RAD51B: variants seen among roughly 807,000 people sequenced by gnomAD.
The protein encoded by RAD51B is RAD51 paralog B.
RAD51B carries 38 observed loss-of-function variants against 42.2 expected under a neutral mutation model. The observed-to-expected ratio is 0.90, with a 90% CI of 0.70 to 1.18. The LOEUF (loss-of-function observed/expected upper bound fraction) is 1.18. Ranked by LOEUF, RAD51B falls within the 50% of genes most tolerant of loss-of-function variation. The probability of loss-of-function intolerance (pLI) is 0.00; values close to 1 mark genes in which losing one functional copy is unlikely to be tolerated. For missense variants in RAD51B, 373 were observed against 400.7 expected, an observed-to-expected ratio of 0.93 and a Z score of 0.59; for synonymous variants, 154 against 145.2, an observed-to-expected ratio of 1.06 and a Z score of -0.43.
intron 8 of RAD51B, among the ~76,000 whole-genome samples, chr14:68,346,772 A>G (rs553221371): frequency 2.6e-5 from 4 of 152,262 alleles, no homozygotes; most frequent in African/African-American, 4.8e-5. Flanking sequence ...CCAGCCGTAT[A>G]TCTCTGAATG....
At chr14:68,674,076 A>G (rs887764123) in intron 11 of RAD51B, among the ~76,000 whole-genome samples, 6 of 152,166 alleles carry the variant, frequency 3.9e-5, no homozygotes, top group African/African-American at 1.4e-4. Flanking sequence ...ATAAACACAC[A>G]TACTGTACAC....
intron 10 of RAD51B, chr14:68,562,137 C>T: frequency 2.0e-6 from 2 of 985,366 alleles, no homozygotes; most frequent in Non-Finnish European, 2.4e-6. Flanking sequence ...CCTCGTCACC[C>T]TGGAAATGCC....
chr14:68,516,003 T>C (rs1886127689), intron 10 of RAD51B, among the ~76,000 whole-genome samples: 1 of 152,000 alleles, frequency 6.6e-6, no homozygotes, highest in South Asian at 2.1e-4. Context: ...GCCAGGATGG[T>C]CTCGATCTCC....
In RAD51B at chr14:68,315,886, G is replaced by T. The variant is rs79810817; in HGVS notation, c.853+23906G>T. ...TTTTCTACTACTAGAACAAGTCACT[G>T]CCCCCCAGAGTTTGAAGAAATGTGA... On this transcript the variant is annotated intron_variant, in intron 8 of 10. Transcript: ENST00000471583. Among the ~76,000 whole-genome samples the T allele has an allele frequency of 7.4e-3, 1,122 of 152,198 alleles. 10 individuals are homozygous for T. Among genetic ancestry groups the T allele is most frequent in the African/African-American group, 0.024 (978 of 41,506 alleles).
At chr14:68,662,989 G>A (rs1034835420) in intron 11 of RAD51B, among the ~76,000 whole-genome samples, 19 of 152,184 alleles carry the variant, frequency 1.2e-4, no homozygotes, top group African/African-American at 4.3e-4. Context: ...TTCTGCCAGT[G>A]GGAGGCACCA....
intron 10 of RAD51B, among the ~76,000 whole-genome samples, chr14:68,471,148 T>C (rs1256908260): frequency 6.6e-6 from 1 of 152,122 alleles, no homozygotes; most frequent in Non-Finnish European, 1.5e-5. Flanking sequence ...GGGTGGGATG[T>C]GCAGCCCATG....
chr14:68,421,069 C>A (rs11849044), intron 9 of RAD51B, among the ~76,000 whole-genome samples: 42,721 of 152,008 alleles, frequency 0.28, 6,325 homozygotes, highest in African/African-American at 0.34. Flanking sequence ...TTAGGATAGC[C>A]CCTCCCACCC....
At chr14:68,086,438 C>G (rs1364588407) in intron 7 of RAD51B, among the ~76,000 whole-genome samples, 1 of 152,124 alleles carries the variant, frequency 6.6e-6, no homozygotes, top group Non-Finnish European at 1.5e-5. Context: ...TTGGGAAATA[C>G]AACATTTGGG....
chr14:68,230,430 G>C (rs532667979), intron 7 of RAD51B, among the ~76,000 whole-genome samples: 83 of 152,248 alleles, frequency 5.5e-4, no homozygotes, highest in Middle Eastern at 6.8e-3. Context: ...TGTTTGACTA[G>C]TCATTCAGAT....
chr14:68,157,224 C>T (rs2078532381), intron 7 of RAD51B, among the ~76,000 whole-genome samples: 1 of 152,040 alleles, frequency 6.6e-6, no homozygotes, highest in Admixed American at 6.6e-5. Flanking sequence ...AAGGGACTTA[C>T]TTTGGGGATT....
At chr14:68,533,357 A>G (rs1386174819) in intron 10 of RAD51B, among the ~76,000 whole-genome samples, 2 of 152,192 alleles carry the variant, frequency 1.3e-5, no homozygotes, top group Non-Finnish European at 2.9e-5. Context: ...ATTCCTGAGC[A>G]CTTTGTTTGC....
chr14:68,551,288 T>G (rs1467302242), intron 10 of RAD51B, among the ~76,000 whole-genome samples: 1 of 152,196 alleles, frequency 6.6e-6, no homozygotes, highest in Non-Finnish European at 1.5e-5. Context: ...TGCTCTGGCC[T>G]GGCAGTCAGC....
intron 11 of RAD51B, among the ~76,000 whole-genome samples, chr14:68,675,451 A>G (rs1486964591): frequency 6.6e-6 from 1 of 152,150 alleles, no homozygotes. Flanking sequence ...GATATGCCTG[A>G]TTCCTTTTTG....
chr14:68,302,373 A>G (rs1302818313), intron 8 of RAD51B, among the ~76,000 whole-genome samples: 1 of 152,110 alleles, frequency 6.6e-6, no homozygotes, highest in African/African-American at 2.4e-5. Flanking sequence ...TGGCTTGGGG[A>G]TGGAGGCTCT....
chr14:68,664,492 G>T (rs1294906862), intron 11 of RAD51B, among the ~76,000 whole-genome samples: 1 of 152,110 alleles, frequency 6.6e-6, no homozygotes, highest in Non-Finnish European at 1.5e-5. Context: ...CATTTCACCC[G>T]ACTATTTTTA....
chr14:68,067,772 A>G (rs1346904562), intron 7 of RAD51B, among the ~76,000 whole-genome samples: 1 of 151,816 alleles, frequency 6.6e-6, no homozygotes, highest in East Asian at 1.9e-4. Flanking sequence ...TTTACAAAAA[A>G]TACAAAAAAA....
At chr14:68,340,679 A>G (rs955874722) in intron 8 of RAD51B, among the ~76,000 whole-genome samples, 4 of 152,196 alleles carry the variant, frequency 2.6e-5, no homozygotes, top group African/African-American at 7.2e-5. Context: ...CTATTTTTGT[A>G]TGCCTTTTTT....
At chr14:68,236,916 T>A (rs1433762866) in intron 7 of RAD51B, among the ~76,000 whole-genome samples, 2 of 152,222 alleles carry the variant, frequency 1.3e-5, no homozygotes, top group African/African-American at 4.8e-5. Context: ...CTTAACTAAT[T>A]GTAACAGTCT....
intron 7 of RAD51B, among the ~76,000 whole-genome samples, chr14:68,028,753 G>A (rs1242037469): frequency 6.6e-6 from 1 of 152,216 alleles, no homozygotes; most frequent in Non-Finnish European, 1.5e-5. Context: ...GGAGATGGCA[G>A]GCAAGTGGTC....
Sources: allele counts gnomAD v4.1 joint callset (sites outside exome capture counted in the v4.1 genomes callset), GRCh38; gene constraint gnomAD v4.1.1; transcripts MANE v1.5; gene names NCBI Gene and HGNC (gene_info 2026-07-23, HGNC 2026-07-21).